PRDM15: variants seen among roughly 807,000 people sequenced by gnomAD.
PRDM15 encodes the protein PR domain zinc finger protein 15.
Under a neutral mutation model 128.6 loss-of-function variants are expected in PRDM15, and 64 were observed. The ratio of observed to expected loss-of-function variants is 0.50; its 90% CI spans 0.41 to 0.61. The LOEUF is 0.61. Among genes scored for constraint, PRDM15 ranks in the 20% least tolerant of loss-of-function variants. PRDM15 has a pLI of 0.00. For synonymous variants in PRDM15, 615 were observed against 621.8 expected, an observed-to-expected ratio of 0.99 and a Z score of 0.16; for missense variants, 1,242 against 1,569.1, an observed-to-expected ratio of 0.79 and a Z score of 3.52.
intron 8 of PRDM15, among the ~76,000 whole-genome samples, chr21:41,837,412 G>A (rs2062930739): frequency 6.6e-6 from 1 of 152,210 alleles, no homozygotes; most frequent in African/African-American, 2.4e-5. Flanking sequence ...ACACATGGAT[G>A]AGCCGGGGTA....
Position 41,828,108 on chromosome 21 carries a change from G to T in PRDM15, c.1534+58C>A. ...CCTGCTGACTGCTCCATGCCGCCCT[G>T]CCCCACCCCGCAGGAGCTGCCTCTC... On this transcript the variant is annotated intron_variant, in intron 12 of 23. Coordinates refer to ENST00000398548, the MANE Select transcript of PRDM15 (RefSeq NM_001040424.3). The surrounding 1 kb of genome is among the most constrained non-coding windows in gnomAD (Gnocchi z 5.7). The T allele has an allele frequency of 6.3e-7, 1 of 1,589,994 alleles. No homozygotes were observed. The highest frequency in any genetic ancestry group is 8.6e-7 in the Non-Finnish European group (1 of 1,165,760).
chr21:41,864,203 C>T (rs117594061), intron 1 of PRDM15, among the ~76,000 whole-genome samples: 8,820 of 152,260 alleles, frequency 0.058, 343 homozygotes, highest in Middle Eastern at 0.13. Context: ...GAAGGGCAAC[C>T]ATTTCAGCAG....
At chr21:41,842,515 C>T (rs942621087) in intron 6 of PRDM15, among the ~76,000 whole-genome samples, 5 of 152,206 alleles carry the variant, frequency 3.3e-5, no homozygotes, top group African/African-American at 4.8e-5. Context: ...GTTTTTGAGA[C>T]GGAGTCTCGC....
chr21:41,823,112 A>T, intron 14 of PRDM15: 1 of 645,542 alleles, frequency 1.5e-6, no homozygotes, highest in Non-Finnish European at 2.8e-6. Flanking sequence ...ACACAGTGAG[A>T]AGGCGCCGTC....
At chr21:41,860,849 C>G (rs2063788468) in intron 1 of PRDM15, among the ~76,000 whole-genome samples, 1 of 152,166 alleles carries the variant, frequency 6.6e-6, no homozygotes, top group South Asian at 2.1e-4. Flanking sequence ...GGGCTGGGAT[C>G]CCTGAAACAT....
At chr21:41,803,121 T>TAA in intron 22 of PRDM15, 200 bp from the exon 23 acceptor site, 3 of 515,826 alleles carry the variant, frequency 5.8e-6, no homozygotes, top group East Asian at 3.2e-5. Flanking sequence ...GTTGCAGATT[T>TAA]AAAAAAAAAA....
intron 13 of PRDM15, 102 bp downstream of exon 13, chr21:41,825,858 A>C: frequency 1.1e-6 from 1 of 938,566 alleles, no homozygotes; most frequent in East Asian, 2.5e-5. Flanking sequence ...GTTACCCCCC[A>C]AATCTTCCCT....
intron 1 of PRDM15, among the ~76,000 whole-genome samples, chr21:41,876,197 C>A (rs1453268428): frequency 6.6e-6 from 1 of 152,222 alleles, no homozygotes; most frequent in Non-Finnish European, 1.5e-5. Context: ...CTGATCAAAA[C>A]AGAAATAGTC....
intron 6 of PRDM15, among the ~76,000 whole-genome samples, chr21:41,844,701 A>C (rs1371597103): frequency 2.3e-3 from 9 of 3,854 alleles, no homozygotes; most frequent in South Asian, 0.011. Flanking sequence ...CCCCTCCTCC[A>C]TCACAGGGAC....
intron 1 of PRDM15, chr21:41,861,437 T>C: frequency 1.3e-6 from 1 of 771,526 alleles, no homozygotes; most frequent in Non-Finnish European, 2.1e-6. Context: ...ATTCCTGGGC[T>C]GTAAAATGGA....
At chr21:41,858,487 G>A (rs1017555286) in intron 3 of PRDM15, among the ~76,000 whole-genome samples, 29 of 151,608 alleles carry the variant, frequency 1.9e-4, no homozygotes, top group Middle Eastern at 3.4e-3. Flanking sequence ...CGACAGAGGC[G>A]GACATTGGGT....
intron 5 of PRDM15, among the ~76,000 whole-genome samples, chr21:41,851,565 G>A (rs975724841): frequency 5.9e-5 from 9 of 152,180 alleles, no homozygotes; most frequent in South Asian, 2.1e-4. Flanking sequence ...TGTGTGTGGC[G>A]GGGGCGCTGA....
intron 1 of PRDM15, among the ~76,000 whole-genome samples, chr21:41,874,410 A>ACCCT (rs954464043): frequency 1.3e-5 from 2 of 150,936 alleles, no homozygotes; most frequent in Non-Finnish European, 2.9e-5. Flanking sequence ...CAGAACAAGG[A>ACCCT]CCCTGTTGAC....
chr21:41,804,597 G>C lies in PRDM15; in HGVS notation c.2670C>G (p.Ile890Met). The C allele has an allele frequency of 6.4e-7, 1 of 1,566,362 alleles. No individual in the cohort carries two copies. The highest frequency in any genetic ancestry group is 8.7e-7 in the Non-Finnish European group (1 of 1,155,526). Residue 890 changes from isoleucine (I) to methionine (M), a missense_variant, in exon 22 of 24, where the codon ATC becomes ATG. By Grantham distance (10) the Ile-to-Met change is conservative. Around this residue, in one of 3 missense-constraint regions of PRDM15, gnomAD observed 602 missense variants for 788.3 expected, o/e 0.76. Transcript: ENST00000398548. ...TCTCCGGGAGGTGGTCCAGGTCATC[G>C]ATCCTCACCGCGAGCACCTATGAGG... ...RKHPEVLAVR[I>M]DDLDHLPETT...
chr21:41,860,710 C>T (rs947003551), intron 1 of PRDM15, among the ~76,000 whole-genome samples: 8 of 152,130 alleles, frequency 5.3e-5, no homozygotes, highest in Non-Finnish European at 1.2e-4. Flanking sequence ...TGTGAGCCAC[C>T]GTGCCTGGCC....
Position 41,854,440 on chromosome 21 carries a change from G to A in PRDM15, c.538+126C>T, listed in dbSNP as rs903509382. The A allele has an allele frequency of 5.2e-5, 64 of 1,226,374 alleles. No individual in the cohort carries two copies. The highest frequency in any genetic ancestry group is 6.3e-5 in the Non-Finnish European group (56 of 888,300). The allele number at this position is 1,226,374 out of a possible 1,614,324, so 76.0% of individuals were successfully genotyped here. On this transcript the variant is annotated intron_variant, in intron 5 of 23. Coordinates refer to ENST00000398548, the MANE Select transcript of PRDM15 (RefSeq NM_001040424.3). The surrounding 1 kb of genome is among the most constrained non-coding windows in gnomAD (Gnocchi z 4.6). ...CCGACTCTCCACTCCTCCACTCTCCGCATCCCAGCAGCTGGCCCAGCCCAA... is the reference window on the plus strand; with the variant it reads ...CCGACTCTCCACTCCTCCACTCTCCACATCCCAGCAGCTGGCCCAGCCCAA...
At chr21:41,872,366 C>T (rs984957310) in intron 1 of PRDM15, among the ~76,000 whole-genome samples, 1 of 152,108 alleles carries the variant, frequency 6.6e-6, no homozygotes, top group African/African-American at 2.4e-5. Context: ...CCCTCATTTC[C>T]CAGTATGATT....
Position 41,821,793 on chromosome 21 carries a change from A to T in PRDM15, c.1896+110T>A. On this transcript the variant is annotated intron_variant, in intron 15 of 23. Transcript: ENST00000398548. This position sits in a 1 kb window ranked among gnomAD's most constrained non-coding sequence, Gnocchi z 5.4. ...CACTGGCCGGAGCCTTTGGGGAGGG[A>T]GGGCTGCTTCCGAGATGCATGAAGG... The T allele has an allele frequency of 7.4e-7, 1 of 1,350,612 alleles. No homozygotes were observed. The highest frequency in any genetic ancestry group is 1.0e-6 in the Non-Finnish European group (1 of 967,168). 83.7% of individuals were successfully genotyped at this position (1,350,612 alleles called of 1,614,324 possible). A position where few individuals can be genotyped will look rare whatever the true frequency, so the allele number is the denominator to read the frequency against.
intron 1 of PRDM15, among the ~76,000 whole-genome samples, chr21:41,874,525 A>ATATATATATTTTTTTTTTTTT: frequency 3.1e-5 from 3 of 95,828 alleles, no homozygotes; most frequent in African/African-American, 8.3e-5. Flanking sequence ...ATATATATAT[A>ATATATATATTTTTTTTTTTTT]TTTTTTTTTT....
Sources: allele counts gnomAD v4.1 joint callset (sites outside exome capture counted in the v4.1 genomes callset), GRCh38; gene constraint gnomAD v4.1.1; regional missense constraint gnomAD v4.1.1; non-coding constraint Gnocchi (gnomAD v3.1); transcripts MANE v1.5; gene names NCBI Gene and HGNC (gene_info 2026-07-23, HGNC 2026-07-21).